The following MAST4 variants were observed in gnomAD, a reference collection of about 807,000 sequenced individuals.
MAST4 encodes the protein microtubule-associated serine/threonine-protein kinase 4.
MAST4 carries 89 observed loss-of-function variants against 162.7 expected under a neutral mutation model. The ratio of observed to expected loss-of-function variants is 0.55; its 90% confidence interval spans 0.46 to 0.65. The LOEUF is 0.65. Ranked by LOEUF, MAST4 falls within the 30% of genes least tolerant of loss-of-function variation. MAST4 has a pLI of 0.00. For missense variants in MAST4, 3,153 were observed against 3,374.0 expected, an observed-to-expected ratio of 0.93 and a Z score of 1.62; for synonymous variants, 1,479 against 1,361.1, an observed-to-expected ratio of 1.09 and a Z score of -1.91.
At chr5:66,644,516 C>T (rs1056709261) in intron 1 of MAST4, among the ~76,000 whole-genome samples, 1 of 152,132 alleles carries the variant, frequency 6.6e-6, no homozygotes, top group Non-Finnish European at 1.5e-5. Context: ...ATTGAATTTC[C>T]CTGAGACAGG....
chr5:66,816,622 A>G (rs982230334), intron 3 of MAST4, among the ~76,000 whole-genome samples: 2 of 152,078 alleles, frequency 1.3e-5, no homozygotes, highest in Non-Finnish European at 2.9e-5. Context: ...GTTGGAGAGA[A>G]TGGCTGCCTT....
intron 1 of MAST4, among the ~76,000 whole-genome samples, chr5:66,732,724 G>T (rs1257651567): frequency 6.6e-6 from 1 of 152,202 alleles, no homozygotes; most frequent in African/African-American, 2.4e-5. Context: ...TGGGGACAGA[G>T]ATTGTCCCTT....
intron 4 of MAST4, among the ~76,000 whole-genome samples, chr5:66,927,747 G>A (rs773353335): frequency 3.3e-5 from 5 of 152,140 alleles, no homozygotes; most frequent in Non-Finnish European, 5.9e-5. Context: ...GTTTCCTAGG[G>A]TTGCCATGAC....
At chr5:66,972,090 T>C (rs1485536058) in intron 4 of MAST4, among the ~76,000 whole-genome samples, 3 of 152,198 alleles carry the variant, frequency 2.0e-5, no homozygotes, top group East Asian at 1.9e-4. Context: ...GCAATGTATG[T>C]GAAATGTTCC....
At chr5:66,910,747 TTTTTTTTC>T (rs1211545178) in intron 4 of MAST4, among the ~76,000 whole-genome samples, 24 of 138,108 alleles carry the variant, frequency 1.7e-4, no homozygotes, top group African/African-American at 6.3e-4. Context: ...TTTTCTTTTT[TTTTTTTTC>T]TTTTTTTTTT....
chr5:66,973,957 C>T (rs1747791697), intron 4 of MAST4, among the ~76,000 whole-genome samples: 2 of 152,180 alleles, frequency 1.3e-5, no homozygotes, highest in African/African-American at 4.8e-5. Context: ...GTCCTTTTAA[C>T]ATGATGCAAT....
chr5:66,788,607 C>CCCACCAAAAAAACAAAAAA, intron 2 of MAST4, 63 bp from the exon 3 acceptor site: 1 of 1,373,728 alleles, frequency 7.3e-7, no homozygotes, highest in Non-Finnish European at 1.0e-6. Flanking sequence ...CCCCCACCCC[C>CCCACCAAAAAAACAAAAAA]ATTGCAATAA....
intron 3 of MAST4, among the ~76,000 whole-genome samples, chr5:66,801,756 T>G (rs530966498): frequency 3.3e-5 from 5 of 152,234 alleles, no homozygotes; most frequent in Non-Finnish European, 7.3e-5. Flanking sequence ...ACACAAGTGT[T>G]GACAGCTATT....
chr5:67,159,044 C>CA (rs1215848115), intron 26 of MAST4, among the ~76,000 whole-genome samples: 1 of 151,818 alleles, frequency 6.6e-6, no homozygotes, highest in African/African-American at 2.4e-5. Flanking sequence ...CAAAAAACAA[C>CA]AAAAAAAGAG....
At chr5:66,848,976 G>C (rs559815402) in intron 3 of MAST4, among the ~76,000 whole-genome samples, 1 of 152,184 alleles carries the variant, frequency 6.6e-6, no homozygotes, top group Non-Finnish European at 1.5e-5. Context: ...CCTGCATCAT[G>C]AGTTAAAGCG....
At chr5:66,860,992 A>G (rs1760074942) in intron 3 of MAST4, among the ~76,000 whole-genome samples, 2 of 152,168 alleles carry the variant, frequency 1.3e-5, no homozygotes, top group South Asian at 4.1e-4. Flanking sequence ...TCGGAAGGCC[A>G]GCTATGGGGC....
chr5:67,144,117 G>A (rs1475174844), intron 21 of MAST4, among the ~76,000 whole-genome samples: 1 of 152,122 alleles, frequency 6.6e-6, no homozygotes, highest in Non-Finnish European at 1.5e-5. Context: ...CTATAGATGT[G>A]ATTTGTAAGC....
At chr5:67,023,786 A>G (rs1650806666) in intron 4 of MAST4, among the ~76,000 whole-genome samples, 1 of 152,044 alleles carries the variant, frequency 6.6e-6, no homozygotes, top group African/African-American at 2.4e-5. Context: ...CAAATGTAGG[A>G]TAAATATACC....
intron 4 of MAST4, among the ~76,000 whole-genome samples, chr5:66,996,204 C>T (rs566575229): frequency 5.9e-5 from 9 of 151,954 alleles, no homozygotes; most frequent in Admixed American, 1.3e-4. Flanking sequence ...GCTTGAACCC[C>T]GGAGGCAGAG....
chr5:66,742,189 C>T (rs905709441), intron 1 of MAST4, among the ~76,000 whole-genome samples: 1 of 152,120 alleles, frequency 6.6e-6, no homozygotes, highest in Non-Finnish European at 1.5e-5. Context: ...GCGTGAGAGA[C>T]GGAGCTGGGT....
At chr5:66,629,481 A>G (rs1005045472) in intron 1 of MAST4, among the ~76,000 whole-genome samples, 13 of 152,304 alleles carry the variant, frequency 8.5e-5, no homozygotes, top group African/African-American at 2.6e-4. Context: ...TACTGAGAAC[A>G]TTTCATATTT....
rs560092707 is a variant in MAST4, at chr5:66,753,999, A to G, written c.364-5710A>G. Among the ~76,000 whole-genome samples the G allele has an allele frequency of 8.6e-5, 13 of 151,856 alleles. No homozygotes were observed. The South Asian group carries it at 1.7e-3, about 20-fold the overall frequency. On this transcript the variant is annotated intron_variant, in intron 1 of 28. Coordinates refer to ENST00000403625, the MANE Select transcript of MAST4 (RefSeq NM_001164664.2). Reference sequence around the variant, plus strand: ...CTGGGATGCAAGGCTGGTTCAATATATGCAAATCAATAAATGTAATCCATC... The same window carrying G: ...CTGGGATGCAAGGCTGGTTCAATATGTGCAAATCAATAAATGTAATCCATC...
At chr5:66,877,484 T>A (rs1387584066) in intron 3 of MAST4, among the ~76,000 whole-genome samples, 4 of 152,172 alleles carry the variant, frequency 2.6e-5, no homozygotes, top group African/African-American at 9.7e-5. Context: ...GAAGCCAGGA[T>A]TCAAGCCCGA....
intron 2 of MAST4, among the ~76,000 whole-genome samples, chr5:66,762,183 C>T (rs923248006): frequency 1.3e-5 from 2 of 151,914 alleles, no homozygotes; most frequent in Non-Finnish European, 1.5e-5. Context: ...ACAATTAGTT[C>T]GCTACACAAT....
Sources: gnomAD v4.1 joint callset for allele counts (sites outside exome capture counted in the v4.1 genomes callset) on GRCh38, gnomAD v4.1.1 for gene constraint, MANE v1.5 for transcripts, NCBI Gene and HGNC (gene_info 2026-07-23, HGNC 2026-07-21) for gene names.